Variants in RC3H2 observed in about 807,000 individuals in gnomAD.
RC3H2 encodes roquin-2.
A neutral mutation model predicts 133.3 loss-of-function variants in RC3H2; 31 were observed. The ratio of observed to expected loss-of-function variants is 0.23; its 90% CI spans 0.17 to 0.31. The LOEUF is 0.31. Ranked by LOEUF, RC3H2 falls within the 10% of genes least tolerant of loss-of-function variation. The pLI, the probability that RC3H2 is intolerant of heterozygous loss-of-function variation, is 1.00. For synonymous variants in RC3H2, 517 were observed against 502.2 expected, an observed-to-expected ratio of 1.03 and a Z score of -0.40; for missense variants, 1,175 against 1,437.2, an observed-to-expected ratio of 0.82 and a Z score of 2.95.
chr9:122,881,684 G>A (rs555826036), intron 5 of RC3H2, among the ~76,000 whole-genome samples: 98 of 152,214 alleles, frequency 6.4e-4, no homozygotes, highest in Non-Finnish European at 1.1e-3. Flanking sequence ...GGATGGAGAG[G>A]ACAGGGTCTT....
intron 1 of RC3H2, among the ~76,000 whole-genome samples, chr9:122,901,644 T>C (rs565446535): frequency 2.0e-5 from 3 of 147,678 alleles, no homozygotes; most frequent in East Asian, 4.0e-4. Context: ...TAGGCTGGAG[T>C]GCGGTGGTGC....
intron 9 of RC3H2, among the ~76,000 whole-genome samples, chr9:122,876,482 G>C (rs1831343040): frequency 1.3e-5 from 2 of 151,914 alleles, no homozygotes; most frequent in Non-Finnish European, 2.9e-5. Flanking sequence ...ACAAAAATTG[G>C]CCAGGCATGG....
In RC3H2 at chr9:122,844,995, T is replaced by C. The variant is rs917817118; in HGVS notation, c.*4632A>G. Reference sequence around the variant, plus strand: ...TTAAAAATGAGCATTAAATCCATCTTAGAGATGGTGCCTGCTTTTTACATG... The same window carrying C: ...TTAAAAATGAGCATTAAATCCATCTCAGAGATGGTGCCTGCTTTTTACATG... On this transcript the variant is annotated 3_prime_UTR_variant, in exon 21 of 21. Transcript: ENST00000357244. The C allele has an allele frequency of 1.3e-5, 2 of 152,246 alleles. No individual in the cohort carries two copies. Among genetic ancestry groups the C allele is most frequent in the Admixed American group, 6.5e-5 (1 of 15,282 alleles). The allele number at this position is 152,246 out of a possible 1,614,324, so 9.4% of individuals were successfully genotyped here.
chr9:122,866,370 C>CCCCTTA (rs1830657729), intron 9 of RC3H2, among the ~76,000 whole-genome samples: 1 of 3,692 alleles, frequency 2.7e-4, no homozygotes, highest in Non-Finnish European at 0.015. Context: ...TCTCCCCCTC[C>CCCCTTA]CCCTCCCCCC....
At chr9:122,887,104 C>T (rs769001622) in intron 4 of RC3H2, among the ~76,000 whole-genome samples, 49 of 152,300 alleles carry the variant, frequency 3.2e-4, no homozygotes, top group African/African-American at 7.9e-4. Flanking sequence ...AGTAACCTCT[C>T]GTCTAATGGG....
At chr9:122,868,586 C>T (rs1341455894) in intron 9 of RC3H2, among the ~76,000 whole-genome samples, 28 of 151,856 alleles carry the variant, frequency 1.8e-4, no homozygotes, top group Admixed American at 1.8e-3. Flanking sequence ...TCTCAAGTAC[C>T]CAGGGACACA....
Position 122,897,280 on chromosome 9 carries a change from T to G in RC3H2, c.230A>C (p.Gln77Pro). 6.2e-7 allele frequency: 1 copy of G among 1,613,836 alleles called. No homozygotes were observed. The highest frequency in any genetic ancestry group is 8.5e-7 in the Non-Finnish European group (1 of 1,179,738). ...NFALLQLVGAQVPDHQSIKLS... is the reference protein window; with the variant it reads ...NFALLQLVGAPVPDHQSIKLS... ...TATAGTAAAATCTTGAATGCTTACC[T>G]GGGCTCCAACTAACTGGAGAAGTGC... Residue 77 changes from glutamine to proline, a missense_variant and splice_region_variant, in exon 2 of 21, where the codon CAG becomes CCG. Transcript: ENST00000357244.
At chr9:122,885,198 TAAAAG>T (rs1288514427) in intron 4 of RC3H2, among the ~76,000 whole-genome samples, 2 of 152,216 alleles carry the variant, frequency 1.3e-5, no homozygotes, top group South Asian at 2.1e-4. Flanking sequence ...TTTAAAGTAT[TAAAAG>T]GAAAGGAGCA....
chr9:122,899,118 T>C lies in RC3H2; in HGVS notation c.-67-1542A>G, dbSNP rs1049372877. Among the ~76,000 whole-genome samples, 216 of 60,604 alleles carry C rather than the reference T, an allele frequency of 3.6e-3. 1 individual carries two copies. Among genetic ancestry groups the C allele is most frequent in the African/African-American group, 0.01 (181 of 17,704 alleles). The allele number at this position is 60,604 out of a possible 152,430, so 39.8% of individuals were successfully genotyped here. On this transcript the variant is annotated intron_variant, in intron 1 of 20. Transcript: ENST00000357244. ...TTTTTTTTTTTTTTTTTTTTTTTTT[T>C]CAGAGACAGAGTCTCCCTCTGTCGC...
At chr9:122,859,399 C>T (rs1204173543) in intron 11 of RC3H2, among the ~76,000 whole-genome samples, 2 of 151,834 alleles carry the variant, frequency 1.3e-5, no homozygotes, top group African/African-American at 4.8e-5. Flanking sequence ...CCACAAACTA[C>T]ATATTTTCAA....
Position 122,849,686 on chromosome 9 carries a change from A to C in RC3H2, c.3517T>G (p.Ser1173Ala), listed in dbSNP as rs1352097308. Residue 1173 changes from serine to alanine, a missense_variant, in exon 21 of 21, where the codon TCT becomes GCT. Physicochemically the swap from Ser to Ala is moderately conservative, Grantham distance 99 (BLOSUM62 1). Coordinates refer to ENST00000357244, the MANE Select transcript of RC3H2 (RefSeq NM_001100588.3). The stretch of plus-strand genomic sequence containing the variant: ...TTTAAAAAGTCGTTTTTATCTTCAG[A>C]CATAACATGAGTTTTCAGAATGAGG... Reference protein sequence around the residue: ...GNLILKTHVMSEDKNDFLKPV... With the variant: ...GNLILKTHVMAEDKNDFLKPV... 1.2e-6 allele frequency: 2 copies of C among 1,613,468 alleles called. No homozygotes were observed. The highest frequency in any genetic ancestry group is 1.7e-6 in the Non-Finnish European group (2 of 1,179,840).
rs1344284807 is a variant in RC3H2, at chr9:122,845,267, G to C, written c.*4360C>G. The stretch of plus-strand genomic sequence containing the variant: ...ATATGCAATAAACAGTATAAATGCA[G>C]ACAGCAGTTGCTGCAAGCTAACCAC... On this transcript the variant is annotated 3_prime_UTR_variant, in exon 21 of 21. Coordinates refer to ENST00000357244, the MANE Select transcript of RC3H2 (RefSeq NM_001100588.3). 1 of 152,210 alleles carries C rather than the reference G, an allele frequency of 6.6e-6. No homozygotes were observed. The highest frequency in any genetic ancestry group is 1.9e-4 in the East Asian group (1 of 5,200). 9.4% of individuals were successfully genotyped at this position (152,210 alleles called of 1,614,324 possible).
chr9:122,862,637 G>A (rs1246228639), intron 10 of RC3H2, among the ~76,000 whole-genome samples: 3 of 152,154 alleles, frequency 2.0e-5, no homozygotes, highest in Non-Finnish European at 4.4e-5. Context: ...GCTCACACCT[G>A]TAATCCCAGC....
chr9:122,861,907 A>G (rs1194160583), intron 10 of RC3H2, among the ~76,000 whole-genome samples: 1 of 152,224 alleles, frequency 6.6e-6, no homozygotes, highest in African/African-American at 2.4e-5. Flanking sequence ...ATATTTTAGG[A>G]CTGTGCTTAT....
chr9:122,871,557 T>C (rs1831097639), intron 9 of RC3H2, among the ~76,000 whole-genome samples: 1 of 151,680 alleles, frequency 6.6e-6, no homozygotes. Context: ...TCTCCTGACC[T>C]TGTGATCCGC....
chr9:122,858,028 T>G lies in RC3H2; in HGVS notation c.2349A>C (p.Ala783=). The change falls in exon 13 of 21, where the codon GCA becomes GCC. Residue 783 remains alanine, a synonymous_variant. Coordinates refer to ENST00000357244, the MANE Select transcript of RC3H2 (RefSeq NM_001100588.3). ...GAGGTGCTTTCTGAGTGTGGTACTGTGCCCACTGATCTGGCTTTCTTCTTA... is the reference window on the plus strand; with the variant it reads ...GAGGTGCTTTCTGAGTGTGGTACTGGGCCCACTGATCTGGCTTTCTTCTTA... The part of the protein sequence containing the change: ...EQIRRKPDQW[A]QYHTQKAPLV... The G allele has an allele frequency of 4.3e-6, 7 of 1,614,220 alleles. No homozygotes were observed. The highest frequency in any genetic ancestry group is 1.1e-5 in the South Asian group (1 of 91,092).
intron 2 of RC3H2, among the ~76,000 whole-genome samples, chr9:122,895,734 A>T (rs1471734576): frequency 1.3e-5 from 2 of 152,206 alleles, no homozygotes; most frequent in East Asian, 3.8e-4. Flanking sequence ...TTTCTATTAA[A>T]TCAGAAAAAT....
rs1829849753 is a variant in RC3H2 at position 122,845,498 on chromosome 9, G to A, written c.*4129C>T. On this transcript the variant is annotated 3_prime_UTR_variant, in exon 21 of 21. Transcript: ENST00000357244. The stretch of plus-strand genomic sequence containing the variant: ...CTTTTGGCAGTACTAAGTGCAGCCA[G>A]TGTCTGTGTTCCACTGGTTTGGGAA... 1 of 152,136 alleles carries A rather than the reference G, an allele frequency of 6.6e-6. No individual in the cohort carries two copies. The highest frequency in any genetic ancestry group is 1.5e-5 in the Non-Finnish European group (1 of 68,022). 9.4% of individuals were successfully genotyped at this position (152,136 alleles called of 1,614,324 possible). A position where few individuals can be genotyped will look rare whatever the true frequency, so the allele number is the denominator to read the frequency against.
chr9:122,853,378 T>TAAAAAAAAAAAA (rs72033785), intron 18 of RC3H2, among the ~76,000 whole-genome samples: 1 of 83,710 alleles, frequency 1.2e-5, no homozygotes, highest in African/African-American at 3.9e-5. Context: ...GAATGATCAA[T>TAAAAAAAAAAAA]AAAAAAAAAA....
Sources: gnomAD v4.1 joint callset for allele counts (sites outside exome capture counted in the v4.1 genomes callset) on GRCh38, gnomAD v4.1.1 for gene constraint, MANE v1.5 for transcripts, NCBI Gene and HGNC (gene_info 2026-07-23, HGNC 2026-07-21) for gene names.